ANKS1B: variants seen among roughly 807,000 people sequenced by gnomAD.
The protein encoded by ANKS1B is ankyrin repeat and sterile alpha motif domain containing 1B.
In ANKS1B, 36 loss-of-function variants were observed where a neutral mutation model predicts 148.3. The observed-to-expected ratio is 0.24, with a 90% CI of 0.19 to 0.32. ANKS1B has a LOEUF of 0.32. Among genes scored for constraint, ANKS1B ranks in the 10% least tolerant of loss-of-function variants. The pLI is 1.00. For synonymous variants in ANKS1B, 542 were observed against 560.8 expected (o/e 0.97, Z 0.47); for missense variants, 1,157 against 1,542.6 (o/e 0.75, Z 4.19).
chr12:99,769,484 T>A (rs942984525), intron 8 of ANKS1B, among the ~76,000 whole-genome samples: 1 of 152,178 alleles, frequency 6.6e-6, no homozygotes, highest in Non-Finnish European at 1.5e-5. Flanking sequence ...TTTCCAAAAA[T>A]GTCACTTTCA....
chr12:98,745,454 C>A lies in ANKS1B; in HGVS notation c.*285G>T. 9.6e-7 allele frequency: 1 copy of A among 1,046,056 alleles called. No homozygotes were observed. The highest frequency in any genetic ancestry group is 4.0e-5 in the South Asian group (1 of 24,720). The allele number at this position is 1,046,056 out of a possible 1,614,324, so 64.8% of individuals were successfully genotyped here. On this transcript the variant is annotated 3_prime_UTR_variant, in exon 27 of 27. Coordinates refer to ENST00000683438, the MANE Select transcript of ANKS1B (RefSeq NM_001352186.2). Reference sequence around the variant, plus strand: ...AGCAAAGCAAGTACTGGGGCGGAGTCATCAGAAATACCTTGGGAGGTGGTG... The same window carrying A: ...AGCAAAGCAAGTACTGGGGCGGAGTAATCAGAAATACCTTGGGAGGTGGTG...
intron 17 of ANKS1B, among the ~76,000 whole-genome samples, chr12:98,833,125 G>T (rs1477285460): frequency 6.6e-6 from 1 of 152,024 alleles, no homozygotes; most frequent in East Asian, 1.9e-4. Context: ...GAATTGCAGC[G>T]CCTCAATCCT....
At chr12:99,792,395 G>A (rs142891685) in intron 4 of ANKS1B, among the ~76,000 whole-genome samples, 3 of 151,676 alleles carry the variant, frequency 2.0e-5, no homozygotes, top group African/African-American at 4.8e-5. Context: ...ATTCTACAAG[G>A]CCAGTATTAA....
At chr12:99,254,684 GTCTTA>G (rs1241179067) in intron 12 of ANKS1B, among the ~76,000 whole-genome samples, 1 of 152,126 alleles carries the variant, frequency 6.6e-6, no homozygotes, top group Non-Finnish European at 1.5e-5. Flanking sequence ...TAAGTTAAAT[GTCTTA>G]TCTTCTAAGG....
intron 1 of ANKS1B, among the ~76,000 whole-genome samples, chr12:99,972,959 T>A (rs1165626187): frequency 6.6e-6 from 1 of 152,208 alleles, no homozygotes; most frequent in East Asian, 1.9e-4. Flanking sequence ...GTGCCTGTGC[T>A]CTGCAAGTGG....
At chr12:99,334,195 T>C (rs1315632327) in intron 12 of ANKS1B, among the ~76,000 whole-genome samples, 6 of 151,608 alleles carry the variant, frequency 4.0e-5, no homozygotes. Context: ...GATAGATACA[T>C]AGATACATAG....
At chr12:98,896,357 C>G in intron 17 of ANKS1B, among the ~76,000 whole-genome samples, 1 of 152,164 alleles carries the variant, frequency 6.6e-6, no homozygotes. Context: ...TGAGCACTTA[C>G]GATTTTCCAG....
intron 17 of ANKS1B, among the ~76,000 whole-genome samples, chr12:98,887,038 A>C (rs1015768000): frequency 6.6e-5 from 10 of 152,230 alleles, no homozygotes; most frequent in African/African-American, 2.4e-4. Context: ...GATATACTAA[A>C]GGGCTGGGAG....
intron 9 of ANKS1B, among the ~76,000 whole-genome samples, chr12:99,553,502 T>C (rs1305138672): frequency 1.3e-5 from 2 of 152,178 alleles, no homozygotes; most frequent in Non-Finnish European, 1.5e-5. Flanking sequence ...AGGGGCCAGA[T>C]GGTAAATATC....
chr12:99,970,577 C>T (rs2095546087), intron 1 of ANKS1B, among the ~76,000 whole-genome samples: 1 of 151,446 alleles, frequency 6.6e-6, no homozygotes, highest in Non-Finnish European at 1.5e-5. Context: ...GGATTAGGCT[C>T]AAACTCCTTA....
At chr12:99,017,035 T>C (rs1053024403) in intron 17 of ANKS1B, among the ~76,000 whole-genome samples, 1 of 152,198 alleles carries the variant, frequency 6.6e-6, no homozygotes, top group Non-Finnish European at 1.5e-5. Context: ...AAATATGCTT[T>C]GGACATTGTA....
intron 17 of ANKS1B, among the ~76,000 whole-genome samples, chr12:98,878,378 C>CAAAA (rs1233709716): frequency 6.6e-6 from 1 of 151,510 alleles, no homozygotes; most frequent in Admixed American, 6.6e-5. Flanking sequence ...TGTCTCAAAA[C>CAAAA]AAACAAACAA....
At chr12:99,518,009 G>A (rs1383484755) in intron 9 of ANKS1B, among the ~76,000 whole-genome samples, 1 of 152,114 alleles carries the variant, frequency 6.6e-6, no homozygotes, top group Non-Finnish European at 1.5e-5. Flanking sequence ...CTGTTGATAT[G>A]ATGTATTATA....
At chr12:99,560,705 A>G (rs2097324761) in intron 9 of ANKS1B, among the ~76,000 whole-genome samples, 2 of 152,186 alleles carry the variant, frequency 1.3e-5, no homozygotes, top group Non-Finnish European at 1.5e-5. Context: ...CTAACATGCT[A>G]ACAATCATCT....
intron 14 of ANKS1B, among the ~76,000 whole-genome samples, chr12:99,221,245 C>A (rs1436600964): frequency 6.6e-6 from 1 of 152,042 alleles, no homozygotes; most frequent in Non-Finnish European, 1.5e-5. Flanking sequence ...GAGGCTGAGG[C>A]AGGAGAATGG....
intron 20 of ANKS1B, among the ~76,000 whole-genome samples, chr12:98,802,952 C>T (rs951122674): frequency 6.6e-6 from 1 of 152,056 alleles, no homozygotes. Flanking sequence ...ACTTTACTTG[C>T]AATATTAACT....
At chr12:98,953,024 ATT>A (rs33916677) in intron 17 of ANKS1B, among the ~76,000 whole-genome samples, 16,900 of 144,274 alleles carry the variant, frequency 0.12, 1,241 homozygotes, top group African/African-American at 0.2. Context: ...GCACTCAGCT[ATT>A]TTTTTTTTTT....
At chr12:98,794,998 AC>A in intron 22 of ANKS1B, 1 of 937,750 alleles carries the variant, frequency 1.1e-6, no homozygotes, top group Non-Finnish European at 1.7e-6. Context: ...TCTTTTATGA[AC>A]ATTTGAAAAT....
intron 9 of ANKS1B, among the ~76,000 whole-genome samples, chr12:99,514,672 T>C (rs527420347): frequency 3.7e-4 from 57 of 152,178 alleles, no homozygotes; most frequent in African/African-American, 1.3e-3. Context: ...GTTCATGTGA[T>C]TGTGTCAAAG....
Sources: allele counts gnomAD v4.1 joint callset (sites outside exome capture counted in the v4.1 genomes callset), GRCh38; gene constraint gnomAD v4.1.1; transcripts MANE v1.5; gene names NCBI Gene and HGNC (gene_info 2026-07-23, HGNC 2026-07-21).